HDAC9: variants seen among roughly 807,000 people sequenced by gnomAD.
HDAC9 encodes histone deacetylase 9.
In HDAC9, 41 loss-of-function variants were observed where a neutral mutation model predicts 139.4. The ratio of observed to expected loss-of-function variants is 0.29; its 90% CI spans 0.23 to 0.38. The LOEUF is 0.38. Among genes scored for constraint, HDAC9 ranks in the 10% least tolerant of loss-of-function variants. The pLI, the probability that HDAC9 is intolerant of heterozygous loss-of-function variation, is 1.00. For synonymous variants in HDAC9, 517 were observed against 476.2 expected (o/e 1.09, Z -1.12); for missense variants, 1,147 against 1,297.0 (o/e 0.88, Z 1.78).
At chr7:18,462,170 A>G (rs1793908416) in intron 1 of HDAC9, among the ~76,000 whole-genome samples, 2 of 152,034 alleles carry the variant, frequency 1.3e-5, no homozygotes, top group Non-Finnish European at 2.9e-5. Context: ...TTAACCTTCA[A>G]ATAATGATGT....
intron 1 of HDAC9, among the ~76,000 whole-genome samples, chr7:18,488,929 C>T (rs1471389903): frequency 5.9e-5 from 9 of 151,996 alleles, no homozygotes; most frequent in African/African-American, 2.2e-4. Flanking sequence ...TGCAATTAAA[C>T]TGCACTTGCT....
intron 1 of HDAC9, among the ~76,000 whole-genome samples, chr7:18,128,770 C>G (rs541320943): frequency 1.3e-5 from 2 of 151,598 alleles, no homozygotes. Flanking sequence ...TGTGCCATGT[C>G]TCTTTATTCC....
intron 2 of HDAC9, among the ~76,000 whole-genome samples, chr7:18,538,631 A>G (rs1348529499): frequency 1.3e-5 from 2 of 152,218 alleles, no homozygotes; most frequent in Non-Finnish European, 2.9e-5. Flanking sequence ...CACCCTCTAC[A>G]TGATAACTTT....
At chr7:18,620,156 T>C (rs929220534) in intron 6 of HDAC9, among the ~76,000 whole-genome samples, 2 of 152,186 alleles carry the variant, frequency 1.3e-5, no homozygotes, top group Non-Finnish European at 2.9e-5. Flanking sequence ...ACTGTATAGG[T>C]ACCTGAACAA....
intron 2 of HDAC9, among the ~76,000 whole-genome samples, chr7:18,180,271 A>ACC (rs1789315226): frequency 6.9e-6 from 1 of 145,580 alleles, no homozygotes; most frequent in South Asian, 2.2e-4. Flanking sequence ...ACACACACAC[A>ACC]CACCACATTC....
chr7:18,670,749 C>T (rs544804046), intron 12 of HDAC9, among the ~76,000 whole-genome samples: 2 of 152,118 alleles, frequency 1.3e-5, no homozygotes, highest in Non-Finnish European at 2.9e-5. Context: ...ATGCTTACTT[C>T]TGTCCAATTT....
chr7:18,116,093 A>T (rs1341582393), intron 1 of HDAC9, among the ~76,000 whole-genome samples: 1 of 152,196 alleles, frequency 6.6e-6, no homozygotes, highest in Non-Finnish European at 1.5e-5. Context: ...ATGCTGAGAT[A>T]ATTTTCCTGT....
chr7:18,602,626 G>T (rs59787068), intron 6 of HDAC9, among the ~76,000 whole-genome samples: 1 of 151,678 alleles, frequency 6.6e-6, no homozygotes, highest in Admixed American at 6.6e-5. Flanking sequence ...GCATCCCACA[G>T]ATTTTGATAA....
intron 1 of HDAC9, among the ~76,000 whole-genome samples, chr7:18,367,887 G>T (rs1038832750): frequency 1.3e-5 from 2 of 152,042 alleles, no homozygotes; most frequent in Admixed American, 6.6e-5. Context: ...GAGAATGTTC[G>T]TGTGATCATT....
chr7:18,836,026 C>A (rs1304046293), intron 21 of HDAC9, 29 bp downstream of exon 21: 4 of 1,272,848 alleles, frequency 3.1e-6, no homozygotes, highest in Admixed American at 2.3e-5. Context: ...CTGAAAGTGG[C>A]AAATTGGAAA....
intron 25 of HDAC9, among the ~76,000 whole-genome samples, chr7:18,993,802 C>A (rs1393702941): frequency 1.3e-5 from 2 of 151,552 alleles, no homozygotes; most frequent in African/African-American, 2.4e-5. Context: ...GACCCTGTCT[C>A]AAAAATACAT....
At chr7:18,158,634 G>A (rs370637400) in intron 1 of HDAC9, among the ~76,000 whole-genome samples, 12 of 152,262 alleles carry the variant, frequency 7.9e-5, no homozygotes, top group African/African-American at 2.2e-4. Flanking sequence ...CAGCTGATTC[G>A]GTATAACCCA....
At position 18,825,506 on chromosome 7, in the gene HDAC9, A is replaced by G. The variant is rs545226870; in HGVS notation, c.2323-3655A>G. ...CCTTGGAGTTAGTAGCATGGCGGCC[A>G]TTGGTGACTTTTGTAAGAGCTTCTT... On this transcript the variant is annotated intron_variant, in intron 17 of 25. Coordinates refer to ENST00000686413, the MANE Select transcript of HDAC9 (RefSeq NM_178425.4). Among the ~76,000 whole-genome samples, 951 of 152,192 alleles carry G rather than the reference A, an allele frequency of 6.2e-3. 5 individuals carry two copies. The highest frequency in any genetic ancestry group is 0.011 in the Non-Finnish European group (734 of 67,994).
chr7:18,279,569 G>C (rs950502769), intron 2 of HDAC9, among the ~76,000 whole-genome samples: 1 of 151,720 alleles, frequency 6.6e-6, no homozygotes, highest in Non-Finnish European at 1.5e-5. Flanking sequence ...GGGTTCAAGC[G>C]ATTCTCCTGC....
At chr7:18,665,102 C>G (rs1584769413) in intron 11 of HDAC9, among the ~76,000 whole-genome samples, 1 of 152,236 alleles carries the variant, frequency 6.6e-6, no homozygotes, top group East Asian at 1.9e-4. Flanking sequence ...TAAGTATTCA[C>G]ATTTTAAAAC....
intron 16 of HDAC9, among the ~76,000 whole-genome samples, chr7:18,778,015 A>G (rs1206758310): frequency 6.6e-6 from 1 of 151,954 alleles, no homozygotes; most frequent in Non-Finnish European, 1.5e-5. Context: ...AAAGGAAACA[A>G]AGGCTCAGAG....
intron 1 of HDAC9, among the ~76,000 whole-genome samples, chr7:18,490,556 A>T (rs899130724): frequency 1.3e-5 from 2 of 152,008 alleles, no homozygotes; most frequent in African/African-American, 2.4e-5. Context: ...TCAGAAGACC[A>T]TTTGTTATCT....
intron 17 of HDAC9, among the ~76,000 whole-genome samples, chr7:18,801,687 C>G (rs113395106): frequency 0.018 from 2,750 of 152,024 alleles, 33 homozygotes; most frequent in Non-Finnish European, 0.028. Context: ...GTAAAACTTT[C>G]CTCTAAAGTC....
intron 16 of HDAC9, among the ~76,000 whole-genome samples, chr7:18,781,247 AG>A (rs1438989555): frequency 6.6e-6 from 1 of 152,050 alleles, no homozygotes; most frequent in African/African-American, 2.4e-5. Flanking sequence ...CATTGGGCTT[AG>A]GACTTCAATA....
Sources: gnomAD v4.1 joint callset for allele counts (sites outside exome capture counted in the v4.1 genomes callset) on GRCh38, gnomAD v4.1.1 for gene constraint, MANE v1.5 for transcripts, NCBI Gene and HGNC (gene_info 2026-07-23, HGNC 2026-07-21) for gene names.